LRP1B: variants seen among roughly 807,000 people sequenced by gnomAD.
The protein encoded by LRP1B is low-density lipoprotein receptor-related protein 1B.
A neutral mutation model predicts 556.6 loss-of-function variants in LRP1B; 217 were observed. The observed-to-expected ratio is 0.39, with a 90% CI of 0.35 to 0.44. LRP1B has a LOEUF of 0.44. Among genes scored for constraint, LRP1B ranks in the 20% least tolerant of loss-of-function variants. LRP1B has a pLI of 1.00. For missense variants in LRP1B, 5,053 were observed against 5,620.8 expected (o/e 0.90, Z 3.23); for synonymous variants, 2,047 against 1,865.8 (o/e 1.10, Z -2.50).
chr2:140,306,920 TA>T (rs1293098543), intron 83 of LRP1B, among the ~76,000 whole-genome samples: 1 of 152,078 alleles, frequency 6.6e-6, no homozygotes, highest in African/African-American at 2.4e-5. Flanking sequence ...ATGTACCCAG[TA>T]GTCATTCAGG....
At chr2:141,472,338 G>C (rs1199959619) in intron 3 of LRP1B, among the ~76,000 whole-genome samples, 1 of 152,156 alleles carries the variant, frequency 6.6e-6, no homozygotes, top group East Asian at 1.9e-4. Flanking sequence ...CTGAGGTCAG[G>C]AGTTCGAGAC....
chr2:141,297,311 T>G (rs1686219558), intron 3 of LRP1B, among the ~76,000 whole-genome samples: 1 of 152,194 alleles, frequency 6.6e-6, no homozygotes, highest in African/African-American at 2.4e-5. Context: ...AACTAATAGA[T>G]GCTGGCGAGA....
chr2:140,518,830 G>T (rs575911466), intron 49 of LRP1B, among the ~76,000 whole-genome samples: 1 of 152,110 alleles, frequency 6.6e-6, no homozygotes, highest in Non-Finnish European at 1.5e-5. Flanking sequence ...GAGATTTTGG[G>T]CTGAGACAAT....
intron 30 of LRP1B, 113 bp downstream of exon 30, chr2:140,840,805 A>T: frequency 2.8e-6 from 2 of 708,464 alleles, no homozygotes; most frequent in Middle Eastern, 3.3e-4. Flanking sequence ...TTTTTTTTTA[A>T]CTCTTATGGC....
Position 142,049,735 on chromosome 2 carries a change from T to A in LRP1B, c.82+80913A>T, listed in dbSNP as rs1228455897. Among the ~76,000 whole-genome samples, 3 of 152,228 alleles carry A rather than the reference T, an allele frequency of 2.0e-5. No homozygotes were observed. The East Asian group carries it at 5.8e-4, about 30-fold the overall frequency. ...AGCAAGTATTTGAAAGAGTGGCAGA[T>A]GCACAGGCAACAGCCATTTATTGAA... On this transcript the variant is annotated intron_variant, in intron 1 of 90. Transcript: ENST00000389484.
At chr2:141,147,085 C>A (rs959081895) in intron 7 of LRP1B, among the ~76,000 whole-genome samples, 1 of 152,176 alleles carries the variant, frequency 6.6e-6, no homozygotes, top group African/African-American at 2.4e-5. Context: ...TTCTCCCCTC[C>A]TTTTCTGCTC....
Position 140,336,581 on chromosome 2 carries a change from A to G in LRP1B, c.11893-743T>C, listed in dbSNP as rs1287840579. ...CAGATGCTCTGCATCCTCACCACAC[A>G]TAATTTTGTTCTACAATTGAAAAAA... On this transcript the variant is annotated intron_variant, in intron 77 of 90. Transcript: ENST00000389484. Among the ~76,000 whole-genome samples, 4 of 151,980 alleles carry G rather than the reference A, an allele frequency of 2.6e-5. No individual in the cohort carries two copies. The East Asian group carries it at 7.8e-4, about 30-fold the overall frequency.
chr2:141,374,980 TC>T (rs1213096337), intron 3 of LRP1B, among the ~76,000 whole-genome samples: 1 of 152,206 alleles, frequency 6.6e-6, no homozygotes, highest in Non-Finnish European at 1.5e-5. Flanking sequence ...CATCTGCACA[TC>T]TGGTGTAGCA....
chr2:141,164,065 T>C (rs550166143), intron 7 of LRP1B, among the ~76,000 whole-genome samples: 1 of 152,190 alleles, frequency 6.6e-6, no homozygotes, highest in African/African-American at 2.4e-5. Context: ...TCAATTCTGG[T>C]TGTTACATAA....
rs72903308 is a variant in LRP1B at position 140,666,672 on chromosome 2, C to A, written c.6799+33578G>T. On this transcript the variant is annotated intron_variant, in intron 41 of 90. Transcript: ENST00000389484. ...ATTTCCAAGGATTACTTTTAAAAAACAACTCATAGTACATTTTATTTCAAA... is the reference window on the plus strand; with the variant it reads ...ATTTCCAAGGATTACTTTTAAAAAAAAACTCATAGTACATTTTATTTCAAA... Among the ~76,000 whole-genome samples the A allele has an allele frequency of 5.6e-3, 853 of 152,222 alleles. 5 individuals carry two copies. Among genetic ancestry groups the A allele is most frequent in the Non-Finnish European group, 8.0e-3 (546 of 68,006 alleles).
intron 14 of LRP1B, among the ~76,000 whole-genome samples, chr2:141,009,721 G>A (rs1329879674): frequency 2.0e-5 from 3 of 151,850 alleles, no homozygotes; most frequent in Non-Finnish European, 4.4e-5. Flanking sequence ...TTCTATAAAA[G>A]TAGTCAAGGG....
Position 141,247,388 on chromosome 2 carries a change from C to G in LRP1B, c.464-34G>C, listed in dbSNP as rs772136615. The stretch of plus-strand genomic sequence containing the variant: ...GAAAATTGGCATCATTTCTAAGCAG[C>G]TTTATCTTGGGCACTTTTTTTTCTC... On this transcript the variant is annotated intron_variant, in intron 4 of 90. Coordinates refer to ENST00000389484, the MANE Select transcript of LRP1B (RefSeq NM_018557.3). 30 of 1,603,254 alleles carry G rather than the reference C, an allele frequency of 1.9e-5. 1 individual carries two copies. Among genetic ancestry groups the G allele is most frequent in the Non-Finnish European group, 2.5e-5 (29 of 1,173,482 alleles).
At chr2:140,413,072 C>A (rs1685033198) in intron 66 of LRP1B, among the ~76,000 whole-genome samples, 1 of 151,950 alleles carries the variant, frequency 6.6e-6, no homozygotes, top group South Asian at 2.1e-4. Flanking sequence ...TTAAAAGACA[C>A]CCTAAATATA....
intron 3 of LRP1B, among the ~76,000 whole-genome samples, chr2:141,371,236 G>A (rs1159741748): frequency 6.6e-6 from 1 of 152,054 alleles, no homozygotes; most frequent in Non-Finnish European, 1.5e-5. Flanking sequence ...TGATATATGT[G>A]TCTATTTTTA....
rs576212506 is a variant in LRP1B, at chr2:141,742,640, TG to T, written c.205+67638del. Among the ~76,000 whole-genome samples, 464 of 152,002 alleles carry T rather than the reference TG, an allele frequency of 3.1e-3. 2 individuals carry two copies. Among genetic ancestry groups the T allele is most frequent in the Non-Finnish European group, 5.4e-3 (367 of 67,930 alleles). Reference sequence around the variant, plus strand: ...CCATATACATTTTAGGATTTTTTTTTGATTTCTGTGAAGAATGTCATTGGTA... The same window carrying T: ...CCATATACATTTTAGGATTTTTTTTTATTTCTGTGAAGAATGTCATTGGTA... On this transcript the variant is annotated intron_variant, in intron 2 of 90. Transcript: ENST00000389484.
rs575327078 is a variant in LRP1B, at chr2:141,289,602, G to A, written c.344-34961C>T. On this transcript the variant is annotated intron_variant, in intron 3 of 90. Coordinates refer to ENST00000389484, the MANE Select transcript of LRP1B (RefSeq NM_018557.3). ...ACACAGTTTCAGATATATGATCACA[G>A]GAGCAAAGGGAAAAGGCTCTACTTT... 1.6e-4 allele frequency among the ~76,000 whole-genome samples: 25 copies of A among 152,100 alleles called. No homozygotes were observed. The South Asian group carries it at 5.2e-3, about 32-fold the overall frequency.
At chr2:142,129,314 C>A (rs1207584775) in intron 1 of LRP1B, among the ~76,000 whole-genome samples, 1 of 152,140 alleles carries the variant, frequency 6.6e-6, no homozygotes, top group East Asian at 1.9e-4. Context: ...AAGATTATCA[C>A]CAATAAGTGT....
intron 87 of LRP1B, among the ~76,000 whole-genome samples, chr2:140,245,581 A>T (rs761481778): frequency 3.3e-5 from 5 of 151,380 alleles, no homozygotes; most frequent in Admixed American, 6.6e-5. Context: ...CAGCTTGATA[A>T]CTTCAAATGC....
intron 23 of LRP1B, among the ~76,000 whole-genome samples, chr2:140,900,478 AATGTCTGCTAAACTTATGCTCT>A (rs1559183106): frequency 6.6e-6 from 1 of 152,206 alleles, no homozygotes; most frequent in Non-Finnish European, 1.5e-5. Context: ...ATATAGAATA[AATGTCTGCTAAACTTATGCTCT>A]GGGACTCAAA....
Sources: gnomAD v4.1 joint callset for allele counts (sites outside exome capture counted in the v4.1 genomes callset) on GRCh38, gnomAD v4.1.1 for gene constraint, MANE v1.5 for transcripts, NCBI Gene and HGNC (gene_info 2026-07-23, HGNC 2026-07-21) for gene names.